Variants in MCU observed in about 807,000 individuals in gnomAD.
MCU encodes the protein calcium uniporter protein, mitochondrial.
A neutral mutation model predicts 45.2 loss-of-function variants in MCU; 12 were observed. That is an observed-to-expected ratio of 0.27 (90% confidence interval 0.17 to 0.43). The LOEUF (loss-of-function observed/expected upper bound fraction) is 0.43. Ranked by LOEUF, MCU falls within the 20% of genes least tolerant of loss-of-function variation. MCU has a pLI of 1.00. For synonymous variants in MCU, 160 were observed against 165.1 expected, an observed-to-expected ratio of 0.97 and a Z score of 0.24; for missense variants, 324 against 436.7, an observed-to-expected ratio of 0.74 and a Z score of 2.30.
At chr10:72,812,050 A>G (rs1487735097) in intron 1 of MCU, among the ~76,000 whole-genome samples, 1 of 151,322 alleles carries the variant, frequency 6.6e-6, no homozygotes, top group East Asian at 1.9e-4. Context: ...AGGAAATAAT[A>G]TTATTTACCT....
rs1011224847 is a variant in MCU at position 72,692,743 on chromosome 10, G to A, written c.150+442G>A. On this transcript the variant is annotated intron_variant, in intron 1 of 7. Coordinates refer to ENST00000373053, the MANE Select transcript of MCU (RefSeq NM_138357.3). ...TGCCGCGGCCGCCTTGTGTGTGCCA[G>A]GAGAGTGGCAGTGCCATGCTGCTGG... is the stretch of plus-strand genomic sequence containing the variant. 3.8e-6 allele frequency: 5 copies of A among 1,325,328 alleles called. No homozygotes were observed. In the African/African-American group the frequency reaches 5.9e-5, roughly 16 times the overall value. 82.1% of individuals were successfully genotyped at this position (1,325,328 alleles called of 1,614,324 possible).
intron 1 of MCU, among the ~76,000 whole-genome samples, chr10:72,720,266 A>T (rs916632641): frequency 6.6e-6 from 1 of 152,224 alleles, no homozygotes; most frequent in African/African-American, 2.4e-5. Context: ...CACCAGTCCT[A>T]TAAAGTAGGT....
chr10:72,799,926 A>G (rs545355757), intron 1 of MCU, among the ~76,000 whole-genome samples: 13 of 152,172 alleles, frequency 8.5e-5, no homozygotes, highest in South Asian at 2.1e-4. Context: ...TACAGTTCCT[A>G]TTATTTCATT....
At chr10:72,876,310 TTTCCC>T (rs1348929075) in intron 6 of MCU, among the ~76,000 whole-genome samples, 1 of 152,232 alleles carries the variant, frequency 6.6e-6, no homozygotes, top group Non-Finnish European at 1.5e-5. Flanking sequence ...TACTGGCATC[TTTCCC>T]TTAACTTTTT....
intron 1 of MCU, among the ~76,000 whole-genome samples, chr10:72,811,325 C>T (rs1266811410): frequency 6.6e-6 from 1 of 152,120 alleles, no homozygotes; most frequent in Non-Finnish European, 1.5e-5. Context: ...GAATTTGTTG[C>T]GAACTTGTTA....
intron 1 of MCU, among the ~76,000 whole-genome samples, chr10:72,788,201 T>C (rs1844104632): frequency 6.7e-6 from 1 of 150,050 alleles, no homozygotes; most frequent in Non-Finnish European, 1.5e-5. Context: ...CTTATCCAAA[T>C]AAGTAGCTGC....
intron 2 of MCU, among the ~76,000 whole-genome samples, chr10:72,848,757 T>A (rs1845160836): frequency 6.6e-6 from 1 of 152,080 alleles, no homozygotes; most frequent in Admixed American, 6.6e-5. Context: ...TGCCTGTGCG[T>A]GTGTGTATGT....
chr10:72,850,257 A>T (rs1260657418), intron 2 of MCU, among the ~76,000 whole-genome samples: 1 of 152,194 alleles, frequency 6.6e-6, no homozygotes, highest in Non-Finnish European at 1.5e-5. Context: ...TGGCCTTCCA[A>T]CACTGAAATT....
At chr10:72,864,202 A>G (rs943378780) in intron 4 of MCU, among the ~76,000 whole-genome samples, 1 of 152,088 alleles carries the variant, frequency 6.6e-6, no homozygotes, top group African/African-American at 2.4e-5. Flanking sequence ...GTGTGGTGCT[A>G]ATTATCTCCT....
rs71021526 is a variant in MCU, at chr10:72,707,647, G to GTGTGTGTGTA, written c.150+15347_150+15348insGTGTGTGTAT. ...TGTGTGTGTGTGTGTGTGTGTGTGT[G>GTGTGTGTGTA]TTTCCCACCAAAACAAAAGTAATTG... On this transcript the variant is annotated intron_variant, in intron 1 of 7. Transcript: ENST00000373053. 5.4e-3 allele frequency among the ~76,000 whole-genome samples: 793 copies of GTGTGTGTGTA among 146,994 alleles called. 26 individuals are homozygous for GTGTGTGTGTA. Among genetic ancestry groups the GTGTGTGTGTA allele is most frequent in the East Asian group, 0.015 (75 of 5,066 alleles).
intron 4 of MCU, 76 bp from the exon 5 acceptor site, chr10:72,868,627 C>T (rs1256896347): frequency 7.6e-7 from 1 of 1,321,266 alleles, no homozygotes. Flanking sequence ...ATGGATGAAT[C>T]TGCCTCATCT....
chr10:72,702,543 TCA>T (rs1368902176), intron 1 of MCU, among the ~76,000 whole-genome samples: 2 of 152,210 alleles, frequency 1.3e-5, no homozygotes, highest in African/African-American at 4.8e-5. Flanking sequence ...CTAAAAGAGT[TCA>T]CAGTCTGGCC....
At chr10:72,781,228 AATT>A (rs1203756436) in intron 1 of MCU, among the ~76,000 whole-genome samples, 1 of 152,138 alleles carries the variant, frequency 6.6e-6, no homozygotes, top group African/African-American at 2.4e-5. Flanking sequence ...GGAGATAAGA[AATT>A]ATTGAGGCTG....
intron 1 of MCU, among the ~76,000 whole-genome samples, chr10:72,801,863 G>A (rs1844347608): frequency 6.6e-6 from 1 of 151,504 alleles, no homozygotes; most frequent in Admixed American, 6.6e-5. Context: ...GGTAGAGACG[G>A]GGTTTTGCCA....
chr10:72,774,183 CAAT>C (rs1345253527), intron 1 of MCU, among the ~76,000 whole-genome samples: 5 of 152,090 alleles, frequency 3.3e-5, no homozygotes, highest in Non-Finnish European at 7.4e-5. Context: ...CTATCAAAAA[CAAT>C]AATAGCTACA....
chr10:72,805,398 G>T (rs1844432025), intron 1 of MCU, among the ~76,000 whole-genome samples: 1 of 151,546 alleles, frequency 6.6e-6, no homozygotes, highest in Non-Finnish European at 1.5e-5. Flanking sequence ...ACAGGTGCCT[G>T]CCACCATGCC....
intron 2 of MCU, among the ~76,000 whole-genome samples, 196 bp from the exon 3 acceptor site, chr10:72,858,981 A>T (rs767250637): frequency 3.3e-5 from 5 of 152,208 alleles, no homozygotes; most frequent in Non-Finnish European, 7.3e-5. Flanking sequence ...AAAATGAGCT[A>T]TGTGATCCAT....
chr10:72,764,147 T>A (rs1291085918), intron 1 of MCU, among the ~76,000 whole-genome samples: 1 of 152,216 alleles, frequency 6.6e-6, no homozygotes, highest in Non-Finnish European at 1.5e-5. Flanking sequence ...TGTCTTTCCT[T>A]GTCCTGTGGC....
intron 1 of MCU, among the ~76,000 whole-genome samples, chr10:72,740,133 G>A (rs567491134): frequency 6.6e-6 from 1 of 152,090 alleles, no homozygotes; most frequent in Admixed American, 6.5e-5. Context: ...TGTAATCCCA[G>A]CACTTTGGGA....
Sources: gnomAD v4.1 joint callset for allele counts (sites outside exome capture counted in the v4.1 genomes callset) on GRCh38, gnomAD v4.1.1 for gene constraint, MANE v1.5 for transcripts, NCBI Gene and HGNC (gene_info 2026-07-23, HGNC 2026-07-21) for gene names.